Variants in PCDHGA1 observed in about 807,000 individuals in gnomAD.
PCDHGA1 encodes the protein protocadherin gamma subfamily A, 1, also known as protocadherin gamma-A1.
Under a neutral mutation model 58.0 loss-of-function variants are expected in PCDHGA1, and 32 were observed. That is an observed-to-expected ratio of 0.55 (90% CI 0.42 to 0.74). The LOEUF is 0.74. PCDHGA1 is among the 30% of genes least tolerant of loss of function. The probability of loss-of-function intolerance (pLI) is 0.00; values close to 1 mark genes in which losing one functional copy is unlikely to be tolerated. For synonymous variants in PCDHGA1, 498 were observed against 501.1 expected (o/e 0.99, Z 0.08); for missense variants, 1,205 against 1,182.3 (o/e 1.02, Z -0.28).
intron 1 of PCDHGA1, chr5:141,403,454 C>A: frequency 6.2e-7 from 1 of 1,614,054 alleles, no homozygotes; most frequent in Non-Finnish European, 8.5e-7. Flanking sequence ...GAACTCCCTC[C>A]AGAGCTACCA....
At chr5:141,372,401 A>G (rs1248362001) in intron 1 of PCDHGA1, 2 of 1,613,384 alleles carry the variant, frequency 1.2e-6, no homozygotes, top group Admixed American at 3.3e-5. Context: ...ATAGCTTGCA[A>G]GAGATACAAC....
intron 1 of PCDHGA1, chr5:141,400,141 A>G (rs763561348): frequency 1.9e-6 from 3 of 1,614,020 alleles, no homozygotes; most frequent in Non-Finnish European, 8.5e-7. Flanking sequence ...GCCGGATATC[A>G]CTGACCGCCC....
At chr5:141,424,841 C>A (rs1303241053) in intron 1 of PCDHGA1, among the ~76,000 whole-genome samples, 1 of 152,126 alleles carries the variant, frequency 6.6e-6, no homozygotes. Context: ...TACATGTTAT[C>A]TGAAGCAATG....
In PCDHGA1 at chr5:141,486,610, C is replaced by G; in HGVS notation, c.2422-8197C>G. 6.2e-7 allele frequency: 1 copy of G among 1,613,620 alleles called. No homozygotes were observed. The highest frequency in any genetic ancestry group is 8.5e-7 in the Non-Finnish European group (1 of 1,180,038). On this transcript the variant is annotated intron_variant, in intron 1 of 3. Coordinates refer to ENST00000517417, the MANE Select transcript of PCDHGA1 (RefSeq NM_018912.3). This position sits in a 1 kb window ranked among gnomAD's most constrained non-coding sequence, Gnocchi z 5.0. ...GGGACCTGCTTTGCTCCCTTGCAGC[C>G]TCTGACCCAGACTCTGGCTTGAATG...
Position 141,373,903 on chromosome 5 carries a change from CCAA to C in PCDHGA1, c.2421+40805_2421+40807del, listed in dbSNP as rs1423150628. 3 of 586,252 alleles carry C rather than the reference CCAA, an allele frequency of 5.1e-6. No individual in the cohort carries two copies. In the African/African-American group the frequency reaches 5.7e-5, roughly 11 times the overall value. 36.3% of individuals were successfully genotyped at this position (586,252 alleles called of 1,614,324 possible). The stretch of plus-strand genomic sequence containing the variant: ...TCAACGGAAACTCAAGTTACATCCT[CCAA>C]CAACAAAGCAAATTAGACGGGAAAG... On this transcript the variant is annotated intron_variant, in intron 1 of 3. Coordinates refer to ENST00000517417, the MANE Select transcript of PCDHGA1 (RefSeq NM_018912.3).
intron 1 of PCDHGA1, among the ~76,000 whole-genome samples, chr5:141,407,771 A>G (rs1414886829): frequency 6.6e-6 from 1 of 152,246 alleles, no homozygotes; most frequent in East Asian, 1.9e-4. Context: ...GAAATTGTGC[A>G]TAATAGATTT....
chr5:141,425,194 A>G (rs1464968527), intron 1 of PCDHGA1, among the ~76,000 whole-genome samples: 1 of 152,206 alleles, frequency 6.6e-6, no homozygotes, highest in Non-Finnish European at 1.5e-5. Context: ...CAAACTGAGA[A>G]AAATGATGTA....
At chr5:141,507,558 G>A (rs573728108) in intron 3 of PCDHGA1, among the ~76,000 whole-genome samples, 57 of 152,346 alleles carry the variant, frequency 3.7e-4, no homozygotes, top group African/African-American at 1.3e-3. Context: ...AGTGGCAGGC[G>A]GCTGGGTCTG....
chr5:141,330,971 G>A lies in PCDHGA1; in HGVS notation c.287G>A (p.Cys96Tyr). Residue 96 changes from cysteine (C) to tyrosine (Y), a missense_variant, in exon 1 of 4, where the codon TGC (cysteine) becomes TAC (tyrosine). Coordinates refer to ENST00000517417, the MANE Select transcript of PCDHGA1 (RefSeq NM_018912.3). The stretch of plus-strand genomic sequence containing the variant: ...CGCAGGATAGACCGGGAGGAGCTCT[G>A]CGCTCAGAGCATGCCGTGTCTCGTG... ...TARRIDREEL[C>Y]AQSMPCLVSF... 6.2e-7 allele frequency: 1 copy of A among 1,614,218 alleles called. No homozygotes were observed. The highest frequency in any genetic ancestry group is 2.2e-5 in the East Asian group (1 of 44,882).
rs1002231850 is a variant in PCDHGA1 at position 141,334,725 on chromosome 5, A to C, written c.2421+1620A>C. 7 of 152,204 alleles carry C rather than the reference A, an allele frequency of 4.6e-5. No homozygotes were observed. Among genetic ancestry groups the C allele is most frequent in the African/African-American group, 1.7e-4 (7 of 41,456 alleles). The allele number at this position is 152,204 out of a possible 1,614,324, so 9.4% of individuals were successfully genotyped here. A position where few individuals can be genotyped will look rare whatever the true frequency, so the allele number is the denominator to read the frequency against. On this transcript the variant is annotated intron_variant, in intron 1 of 3. Transcript: ENST00000517417. The surrounding 1 kb of genome is among the most constrained non-coding windows in gnomAD (Gnocchi z 4.6). Reference sequence around the variant, plus strand: ...ATGCTGGATAGAGACAGCGAACACCAAGTATCTCATATGTGAGCTGTGGTA... The same window carrying C: ...ATGCTGGATAGAGACAGCGAACACCCAGTATCTCATATGTGAGCTGTGGTA...
intron 1 of PCDHGA1, among the ~76,000 whole-genome samples, chr5:141,381,953 C>T (rs1588910432): frequency 1.3e-5 from 2 of 151,114 alleles, no homozygotes; most frequent in South Asian, 2.1e-4. Context: ...CCTCAGCCTC[C>T]TGAGTAGCTG....
At chr5:141,364,959 T>A (rs1318302569) in intron 1 of PCDHGA1, 1 of 1,613,876 alleles carries the variant, frequency 6.2e-7, no homozygotes, top group Non-Finnish European at 8.5e-7. Flanking sequence ...GTTCACGACC[T>A]CCTCCTCACA....
At chr5:141,399,705 C>G in intron 1 of PCDHGA1, 1 of 1,613,470 alleles carries the variant, frequency 6.2e-7, no homozygotes. Flanking sequence ...CCTTCGAACT[C>G]ACACTACAGG....
rs774533218 is a variant in PCDHGA1 at position 141,340,258 on chromosome 5, C to A, written c.2421+7153C>A. 25 of 1,614,010 alleles carry A rather than the reference C, an allele frequency of 1.5e-5. No homozygotes were observed. The East Asian group carries it at 2.7e-4, about 17-fold the overall frequency. On this transcript the variant is annotated intron_variant, in intron 1 of 3. Transcript: ENST00000517417. ...CTCTAACCGCTAAAGATGGAGGGAA[C>A]CCCTCCCTGTCCACGGATGCTCACA...
At chr5:141,346,808 G>GA (rs1757808516) in intron 1 of PCDHGA1, among the ~76,000 whole-genome samples, 3 of 152,150 alleles carry the variant, frequency 2.0e-5, no homozygotes, top group South Asian at 4.1e-4. Flanking sequence ...ACACAACACT[G>GA]GTTTGTATAC....
rs1375121802 is a variant in PCDHGA1 at position 141,432,471 on chromosome 5, G to A, written c.2422-62336G>A. 2 of 1,614,094 alleles carry A rather than the reference G, an allele frequency of 1.2e-6. No homozygotes were observed. Among genetic ancestry groups the A allele is most frequent in the African/African-American group, 2.7e-5 (2 of 74,946 alleles). ...CTGTACCCCGCCCTCCCCACGGACG[G>A]TTCCACTGGCGTGGAGCTGGCTCCC... is the stretch of plus-strand genomic sequence containing the variant. On this transcript the variant is annotated intron_variant, in intron 1 of 3. Coordinates refer to ENST00000517417, the MANE Select transcript of PCDHGA1 (RefSeq NM_018912.3). The surrounding 1 kb of genome is among the most constrained non-coding windows in gnomAD (Gnocchi z 6.0).
At chr5:141,423,994 A>G (rs2096794168) in intron 1 of PCDHGA1, 17 of 1,081,216 alleles carry the variant, frequency 1.6e-5, no homozygotes, top group Non-Finnish European at 1.8e-5. Flanking sequence ...TCAATTTATT[A>G]TATATAGATA....
intron 1 of PCDHGA1, among the ~76,000 whole-genome samples, chr5:141,353,606 T>C (rs539618860): frequency 1.4e-4 from 21 of 152,372 alleles, no homozygotes; most frequent in African/African-American, 4.8e-4. Context: ...TCTTAACCAT[T>C]CCTAAATTAT....
chr5:141,502,027 C>T (rs547850211), intron 2 of PCDHGA1, among the ~76,000 whole-genome samples: 6 of 152,274 alleles, frequency 3.9e-5, no homozygotes, highest in African/African-American at 9.6e-5. Flanking sequence ...CTGCAACCCC[C>T]GCCGCTTGCC....
Sources: allele counts gnomAD v4.1 joint callset (sites outside exome capture counted in the v4.1 genomes callset), GRCh38; gene constraint gnomAD v4.1.1; non-coding constraint Gnocchi (gnomAD v3.1); transcripts MANE v1.5; gene names NCBI Gene and HGNC (gene_info 2026-07-23, HGNC 2026-07-21).